Variants in VTI1A observed in about 807,000 individuals in gnomAD.
VTI1A encodes vesicle transport through interaction with t-SNAREs 1A.
In VTI1A, 22 loss-of-function variants were observed where a neutral mutation model predicts 34.9. The observed-to-expected ratio is 0.63, with a 90% confidence interval of 0.45 to 0.90. VTI1A has a LOEUF of 0.90. VTI1A is among the 40% of genes least tolerant of loss of function. The pLI is 0.00. For missense variants in VTI1A, 268 were observed against 275.6 expected, an observed-to-expected ratio of 0.97 and a Z score of 0.20; for synonymous variants, 87 against 97.3, an observed-to-expected ratio of 0.89 and a Z score of 0.62.
chr10:112,846,774 A>G, the VTI1A span, among the ~76,000 whole-genome samples: 2 of 151,896 alleles, frequency 1.3e-5, no homozygotes, highest in Non-Finnish European at 2.9e-5. Context: ...TCAAAAAAAA[A>G]AAAAAAAAGA....
intron 5 of VTI1A, among the ~76,000 whole-genome samples, chr10:112,570,813 T>A (rs1334662513): frequency 6.6e-6 from 1 of 152,272 alleles, no homozygotes; most frequent in Non-Finnish European, 1.5e-5. Context: ...TCTGATTCAT[T>A]GCTGAAAGCA....
At chr10:112,790,536 C>T (rs899087072) in intron 7 of VTI1A, among the ~76,000 whole-genome samples, 11 of 152,114 alleles carry the variant, frequency 7.2e-5, no homozygotes, top group Admixed American at 3.3e-4. Flanking sequence ...CATTACCTAC[C>T]GAGTTTGCTA....
At chr10:112,662,746 T>A (rs1847505585) in intron 5 of VTI1A, among the ~76,000 whole-genome samples, 1 of 152,168 alleles carries the variant, frequency 6.6e-6, no homozygotes, top group South Asian at 2.1e-4. Flanking sequence ...AACAAGGGAA[T>A]CTGAAATATA....
the VTI1A span, among the ~76,000 whole-genome samples, chr10:112,837,321 CG>C: frequency 1.4e-4 from 21 of 151,702 alleles, no homozygotes; most frequent in Middle Eastern, 6.8e-3. Context: ...TGTGAGACAA[CG>C]TCTCAAAAAA....
At chr10:112,631,160 C>T (rs1454920323) in intron 5 of VTI1A, among the ~76,000 whole-genome samples, 1 of 151,990 alleles carries the variant, frequency 6.6e-6, no homozygotes, top group African/African-American at 2.4e-5. Flanking sequence ...AAACATGACA[C>T]TGCTATGCTA....
rs572607111 is a variant in VTI1A, at chr10:112,501,262, A to G, written c.265-25825A>G. Among the ~76,000 whole-genome samples, 39 of 152,328 alleles carry G rather than the reference A, an allele frequency of 2.6e-4. No homozygotes were observed. The South Asian group carries it at 3.3e-3, about 13-fold the overall frequency. The stretch of plus-strand genomic sequence containing the variant: ...TTTTGGTTTGAGTACAAGATGGTCA[A>G]TAAAACTTCATGGCTTTATTAAATA... On this transcript the variant is annotated intron_variant, in intron 3 of 7. Coordinates refer to ENST00000393077, the MANE Select transcript of VTI1A (RefSeq NM_145206.4).
intron 5 of VTI1A, among the ~76,000 whole-genome samples, chr10:112,539,885 C>T (rs941008202): frequency 1.3e-5 from 2 of 152,068 alleles, no homozygotes; most frequent in Admixed American, 1.3e-4. Context: ...TAGAAGATAA[C>T]TTTTATTATG....
chr10:112,843,417 A>T, the VTI1A span, among the ~76,000 whole-genome samples: 5 of 152,208 alleles, frequency 3.3e-5, no homozygotes, highest in African/African-American at 7.2e-5. Context: ...TGTATATAGG[A>T]TGAGCAGGAA....
intron 7 of VTI1A, among the ~76,000 whole-genome samples, chr10:112,790,537 G>A (rs1038957576): frequency 3.9e-5 from 6 of 152,046 alleles, no homozygotes; most frequent in Admixed American, 2.0e-4. Context: ...ATTACCTACC[G>A]AGTTTGCTAC....
chr10:112,768,261 G>T (rs116490814), intron 7 of VTI1A, among the ~76,000 whole-genome samples: 2 of 152,212 alleles, frequency 1.3e-5, no homozygotes, highest in African/African-American at 4.8e-5. Flanking sequence ...TGACGAGAAA[G>T]AGCCTCTGCC....
chr10:112,658,853 T>C (rs1200782841), intron 5 of VTI1A, among the ~76,000 whole-genome samples: 2 of 152,226 alleles, frequency 1.3e-5, no homozygotes, highest in African/African-American at 4.8e-5. Flanking sequence ...ACCTCCTGTT[T>C]AAACAAATTT....
intron 5 of VTI1A, among the ~76,000 whole-genome samples, chr10:112,608,435 A>G (rs558681333): frequency 6.6e-6 from 1 of 152,284 alleles, no homozygotes; most frequent in South Asian, 2.1e-4. Context: ...CACAAAGCCT[A>G]TGGGCCACTT....
chr10:112,662,256 T>G (rs1487366322), intron 5 of VTI1A, among the ~76,000 whole-genome samples: 2 of 152,236 alleles, frequency 1.3e-5, no homozygotes, highest in African/African-American at 4.8e-5. Context: ...ACCGTTTTTT[T>G]GTCTCTAATA....
intron 5 of VTI1A, among the ~76,000 whole-genome samples, chr10:112,539,275 A>G (rs887396267): frequency 7.2e-5 from 11 of 152,242 alleles, no homozygotes; most frequent in Admixed American, 2.0e-4. Context: ...TTGTAAGAAC[A>G]GGTATGATGA....
rs545128801 is a variant in VTI1A, at chr10:112,796,196, C to T, written c.561-19094C>T. On this transcript the variant is annotated intron_variant, in intron 7 of 7. Transcript: ENST00000393077. ...GGCAGATCACCTGAGGTCAGGAGTT[C>T]GAGACCAGCCTGGCCAACACGATGA... Among the ~76,000 whole-genome samples, 28 of 152,040 alleles carry T rather than the reference C, an allele frequency of 1.8e-4. 1 individual carries two copies. The South Asian group carries it at 2.7e-3, about 15-fold the overall frequency.
chr10:112,582,791 ATAT>A (rs1463206645), intron 5 of VTI1A, among the ~76,000 whole-genome samples: 1 of 152,116 alleles, frequency 6.6e-6, no homozygotes, highest in Admixed American at 6.5e-5. Flanking sequence ...TAACGTATAA[ATAT>A]TATTATATTG....
intron 7 of VTI1A, among the ~76,000 whole-genome samples, chr10:112,793,640 A>G (rs1350560806): frequency 6.6e-6 from 1 of 152,362 alleles, no homozygotes; most frequent in Non-Finnish European, 1.5e-5. Flanking sequence ...GATGCTACAA[A>G]CGCAATTAGA....
intron 7 of VTI1A, chr10:112,737,693 C>A (rs765365363): frequency 1.8e-4 from 191 of 1,056,632 alleles, no homozygotes; most frequent in Non-Finnish European, 2.1e-4. Context: ...GGATGACTGT[C>A]AAGGTCACTG....
rs1234396641 is a variant in VTI1A at position 112,810,008 on chromosome 10, C to T, written c.561-5282C>T. Among the ~76,000 whole-genome samples, 4 of 152,002 alleles carry T rather than the reference C, an allele frequency of 2.6e-5. No individual in the cohort carries two copies. The East Asian group carries it at 7.7e-4, about 29-fold the overall frequency. ...AAAAATGCTTTTTGGTCATAAATAACAGAAAACCCAATTCAAACTGACTTT... is the reference window on the plus strand; with the variant it reads ...AAAAATGCTTTTTGGTCATAAATAATAGAAAACCCAATTCAAACTGACTTT... On this transcript the variant is annotated intron_variant, in intron 7 of 7. Transcript: ENST00000393077.
Sources: allele counts gnomAD v4.1 joint callset (sites outside exome capture counted in the v4.1 genomes callset), GRCh38; gene constraint gnomAD v4.1.1; transcripts MANE v1.5; gene names NCBI Gene and HGNC (gene_info 2026-07-23, HGNC 2026-07-21).